Variants in ZNF483 observed in about 807,000 individuals in gnomAD.
The protein encoded by ZNF483 is zinc finger protein HIT-10.
Under a neutral mutation model 28.6 loss-of-function variants are expected in ZNF483, and 9 were observed. The observed-to-expected ratio is 0.32, with a 90% CI of 0.19 to 0.55. The LOEUF (loss-of-function observed/expected upper bound fraction) is 0.55, where lower values mean the gene tolerates loss of function less well. ZNF483 is among the 20% of genes least tolerant of loss of function. The pLI is 0.93. For synonymous variants in ZNF483, 322 were observed against 306.2 expected (o/e 1.05, Z -0.54); for missense variants, 675 against 871.7 (o/e 0.77, Z 2.84).
At chr9:111,534,433 C>T in intron 5 of ZNF483, 80 bp downstream of exon 5, 2 of 1,172,644 alleles carry the variant, frequency 1.7e-6, no homozygotes, top group Non-Finnish European at 2.5e-6. Context: ...AAATGTTGGG[C>T]TGCCTAGATA....
At chr9:111,556,751 C>A (rs1315162491), downstream of ZNF483, among the ~76,000 whole-genome samples, 1 of 152,202 alleles carries the variant, frequency 6.6e-6, no homozygotes, top group African/African-American at 2.4e-5. Context: ...AGCATTTCCC[C>A]CTTTTTGCTC....
chr9:111,574,810 G>T, intron 5 of ZNF483: 1 of 1,613,610 alleles, frequency 6.2e-7, no homozygotes, highest in Non-Finnish European at 8.5e-7. Context: ...TCTTCATCTG[G>T]CCGATAACAG....
Position 111,527,566 on chromosome 9 carries a change from G to T in ZNF483, c.171G>T (p.Trp57Cys). Residue 57 changes from tryptophan (W) to cysteine (C), a missense_variant, in exon 2 of 6, where the codon TGG (tryptophan) becomes TGT (cysteine). This residue lies in a region of ZNF483 where 525 missense variants were observed against 581.8 expected (regional missense o/e 0.90). Transcript: ENST00000309235. ...DAESFRQRFR[W>C]FCYSEVAGPR... Reference sequence around the variant, plus strand: ...AGTCTTTCAGACAGAGGTTTAGGTGGTTTTGTTACTCAGAAGTAGCTGGAC... The same window carrying T: ...AGTCTTTCAGACAGAGGTTTAGGTGTTTTTGTTACTCAGAAGTAGCTGGAC... The T allele has an allele frequency of 6.2e-7, 1 of 1,614,254 alleles. No individual in the cohort carries two copies. The highest frequency in any genetic ancestry group is 2.2e-5 in the East Asian group (1 of 44,884).
chr9:111,530,798 T>TAC (rs1232406847), intron 2 of ZNF483, 77 bp from the exon 3 acceptor site: 122 of 54,980 alleles, frequency 2.2e-3, no homozygotes, highest in African/African-American at 0.01. Flanking sequence ...TATATATATA[T>TAC]ATACATATAT....
Position 111,542,426 on chromosome 9 carries a change from T to C in ZNF483, c.1491T>C (p.Cys497=). ...RTHSGEKPFK[C]DDCGKGFTLS... ...ATAGTGGAGAGAAACCCTTCAAATG[T>C]GATGACTGTGGGAAAGGTTTCACCC... Residue 497 remains cysteine, a synonymous_variant, in exon 6 of 6, where the codon TGT becomes TGC. Coordinates refer to ENST00000309235, the MANE Select transcript of ZNF483 (RefSeq NM_133464.5). This position sits in a 1 kb window ranked among gnomAD's most constrained non-coding sequence, Gnocchi z 6.2. The C allele has an allele frequency of 1.2e-6, 2 of 1,614,182 alleles. 1 individual carries two copies. The highest frequency in any genetic ancestry group is 2.2e-5 in the South Asian group (2 of 91,080).
intron 5 of ZNF483, among the ~76,000 whole-genome samples, chr9:111,564,671 A>G (rs1465088212): frequency 6.6e-6 from 1 of 152,084 alleles, no homozygotes; most frequent in East Asian, 1.9e-4. Flanking sequence ...AGGAATCTGG[A>G]TAGGGTGGAA....
At chr9:111,527,902 G>A (rs778531665) in intron 2 of ZNF483, 95 bp downstream of exon 2, 1 of 1,596,816 alleles carries the variant, frequency 6.3e-7, no homozygotes, top group Non-Finnish European at 8.5e-7. Context: ...CTAAAGAGGA[G>A]TCTGAGGTTA....
At chr9:111,528,109 C>G in intron 2 of ZNF483, 1 of 1,204,642 alleles carries the variant, frequency 8.3e-7, no homozygotes, top group East Asian at 2.6e-5. Context: ...TTTCCCATCC[C>G]CTTCAAGAAC....
chr9:111,528,675 T>C (rs752818583), intron 2 of ZNF483, among the ~76,000 whole-genome samples: 1 of 152,208 alleles, frequency 6.6e-6, no homozygotes, highest in Non-Finnish European at 1.5e-5. Context: ...CAGTTTGTAT[T>C]CTGGAAGAGT....
At position 111,542,052 on chromosome 9, in the gene ZNF483, G is replaced by C. The variant is rs1275113192; in HGVS notation, c.1117G>C (p.Ala373Pro). The C allele has an allele frequency of 6.2e-7, 1 of 1,614,116 alleles. No homozygotes were observed. Among genetic ancestry groups the C allele is most frequent in the Admixed American group, 1.7e-5 (1 of 60,008 alleles). ...TGGGAAAGTCCTGAGTCACTCTTCA[G>C]CTCTTACTGAACATCAGAAACGTCA... ...DGGKVLSHSS[A>P]LTEHQKRQKI... Residue 373 changes from alanine to proline, a missense_variant, in exon 6 of 6, where the codon GCT becomes CCT. Ala to Pro is a conservative substitution (Grantham distance 27). Transcript: ENST00000309235. The surrounding 1 kb of genome is among the most constrained non-coding windows in gnomAD (Gnocchi z 6.2).
chr9:111,556,342 T>C (rs546753421), downstream of ZNF483, among the ~76,000 whole-genome samples: 4 of 152,380 alleles, frequency 2.6e-5, no homozygotes, highest in South Asian at 2.1e-4. Flanking sequence ...TCCAGGTGCA[T>C]GGCACAAGCT....
chr9:111,570,463 C>T (rs755259392), intron 5 of ZNF483, among the ~76,000 whole-genome samples: 9 of 152,106 alleles, frequency 5.9e-5, no homozygotes, highest in Admixed American at 5.2e-4. Context: ...GCAAAAAGGA[C>T]TTTGCAGATA....
chr9:111,532,075 G>A (rs920281781), intron 3 of ZNF483, among the ~76,000 whole-genome samples: 35 of 152,192 alleles, frequency 2.3e-4, no homozygotes, highest in African/African-American at 5.1e-4. Context: ...TTGGGAGGCC[G>A]GGGTGGGAGG....
rs117675298 is a variant in ZNF483, at chr9:111,551,785, C to T, written c.*8615C>T. Reference sequence around the variant, plus strand: ...TTAATATCTAGGCAAAATTATATCACTTTCAAAACTTTTTAAGTAAATTCA... The same window carrying T: ...TTAATATCTAGGCAAAATTATATCATTTTCAAAACTTTTTAAGTAAATTCA... On this transcript the variant is annotated 3_prime_UTR_variant, in exon 6 of 6. Transcript: ENST00000309235. Among the ~76,000 whole-genome samples, 3,373 of 152,230 alleles carry T rather than the reference C, an allele frequency of 0.022. 70 individuals carry two copies. Among genetic ancestry groups the T allele is most frequent in the Non-Finnish European group, 0.035 (2,356 of 68,016 alleles).
chr9:111,541,757 T>G lies in ZNF483; in HGVS notation c.822T>G (p.Asp274Glu). ...AATATTGTGGCAGCTCAGAGGAGGA[T>G]CACGGTAATCAGGGAAATTCAAAAG... ...SQQYCGSSEE[D>E]HGNQGNSKGR... Residue 274 changes from aspartate to glutamate, a missense_variant, in exon 6 of 6, where the codon GAT becomes GAG. Physicochemically the swap from Asp to Glu is conservative, Grantham distance 45. Transcript: ENST00000309235. 1.2e-6 allele frequency: 2 copies of G among 1,614,128 alleles called. No individual in the cohort carries two copies.
Position 111,542,124 on chromosome 9 carries a change from A to T in ZNF483, c.1189A>T (p.Ile397Leu). The T allele has an allele frequency of 6.2e-7, 1 of 1,614,164 alleles. No homozygotes were observed. Among genetic ancestry groups the T allele is most frequent in the East Asian group, 2.2e-5 (1 of 44,884 alleles). ...DRSQKCSKCG[I>L]IFIRRSTLSR... Reference sequence around the variant, plus strand: ...GTCCCAAAAATGCAGTAAGTGTGGGATAATCTTTATTAGAAGATCAACTCT... The same window carrying T: ...GTCCCAAAAATGCAGTAAGTGTGGGTTAATCTTTATTAGAAGATCAACTCT... Residue 397 changes from isoleucine to leucine, a missense_variant, in exon 6 of 6, where the codon ATA (isoleucine) becomes TTA (leucine). Transcript: ENST00000309235. This position sits in a 1 kb window ranked among gnomAD's most constrained non-coding sequence, Gnocchi z 6.2.
chr9:111,576,273 G>A, intron 5 of ZNF483: 1 of 1,320,644 alleles, frequency 7.6e-7, no homozygotes, highest in South Asian at 1.2e-5. Context: ...CATTATTAGT[G>A]GATTTCATAT....
At position 111,525,252 on chromosome 9, in the gene ZNF483, T is replaced by C. The variant is rs1827156714; in HGVS notation, c.-139T>C. 6.6e-6 allele frequency: 1 copy of C among 152,244 alleles called. No individual in the cohort carries two copies. Among genetic ancestry groups the C allele is most frequent in the Non-Finnish European group, 1.5e-5 (1 of 68,064 alleles). 9.4% of individuals were successfully genotyped at this position (152,244 alleles called of 1,614,324 possible). ...CGGTGGCGTTGGTGCTGTTTGCGGATGCTGATGCAGGTACTGGTCGTCCCG... is the reference window on the plus strand; with the variant it reads ...CGGTGGCGTTGGTGCTGTTTGCGGACGCTGATGCAGGTACTGGTCGTCCCG... On this transcript the variant is annotated 5_prime_UTR_variant, in exon 1 of 6. The change abolishes an upstream ATG in the 5' untranslated region. Transcript: ENST00000309235.
chr9:111,528,556 A>G (rs145854041), intron 2 of ZNF483, among the ~76,000 whole-genome samples: 137 of 152,214 alleles, frequency 9.0e-4, no homozygotes, highest in African/African-American at 3.0e-3. Flanking sequence ...GTAGCTATTT[A>G]TGTTCTCAAA....
Sources: allele counts gnomAD v4.1 joint callset (sites outside exome capture counted in the v4.1 genomes callset), GRCh38; gene constraint gnomAD v4.1.1; regional missense constraint gnomAD v4.1.1; non-coding constraint Gnocchi (gnomAD v3.1); transcripts MANE v1.5; gene names NCBI Gene and HGNC (gene_info 2026-07-23, HGNC 2026-07-21).